BIRC6: variants seen among roughly 807,000 people sequenced by gnomAD.
BIRC6 encodes the protein baculoviral IAP repeat containing 6, also known as dual E2 ubiquitin-conjugating enzyme/E3 ubiquitin-protein ligase BIRC6.
BIRC6 carries 98 observed loss-of-function variants against 503.3 expected under a neutral mutation model. The ratio of observed to expected loss-of-function variants is 0.19; its 90% CI spans 0.17 to 0.23. The LOEUF is 0.23. Among genes scored for constraint, BIRC6 ranks in the 10% least tolerant of loss-of-function variants. The pLI, the probability that BIRC6 is intolerant of heterozygous loss-of-function variation, is 1.00. For missense variants in BIRC6, 5,360 were observed against 5,806.0 expected (o/e 0.92, Z 2.50); for synonymous variants, 2,240 against 2,078.7 (o/e 1.08, Z -2.11).
intron 3 of BIRC6, among the ~76,000 whole-genome samples, chr2:32,384,748 C>G (rs1049988598): frequency 2.0e-5 from 3 of 152,254 alleles, no homozygotes; most frequent in South Asian, 2.1e-4. Context: ...TGCATAGCCT[C>G]CATATCTGTT....
rs149851750 is a variant in BIRC6, at chr2:32,415,383, C to T, written c.2092C>T (p.Leu698Phe). ...GCAATTTGCAGATGCAGCAGCCAAC[C>T]TTACCTCTCCGGATTCTGAGAAGTG... ...IQQFADAAAN[L>F]TSPDSEKWNS... Residue 698 changes from leucine to phenylalanine, a missense_variant, in exon 10 of 74, where the codon CTT becomes TTT. By Grantham distance (22) the Leu-to-Phe change is conservative. Transcript: ENST00000421745. 1 of 1,614,050 alleles carries T rather than the reference C, an allele frequency of 6.2e-7. No homozygotes were observed. Among genetic ancestry groups the T allele is most frequent in the Non-Finnish European group, 8.5e-7 (1 of 1,179,900 alleles).
chr2:32,491,585 G>T (rs1301332521), intron 44 of BIRC6, 27 bp downstream of exon 44: 1 of 1,604,672 alleles, frequency 6.2e-7, no homozygotes, highest in Admixed American at 1.7e-5. Flanking sequence ...CCTGGCATAT[G>T]CCCAGACTAT....
intron 23 of BIRC6, among the ~76,000 whole-genome samples, chr2:32,458,365 A>C (rs2148726676): frequency 6.6e-6 from 1 of 152,246 alleles, no homozygotes; most frequent in East Asian, 1.9e-4. Context: ...ATAGCCAGTT[A>C]ACTCTTTAAA....
chr2:32,529,446 T>G, intron 59 of BIRC6: 1 of 450,876 alleles, frequency 2.2e-6, no homozygotes, highest in Non-Finnish European at 3.8e-6. Context: ...TTTTAACACT[T>G]TCACAGACAT....
chr2:32,414,320 T>G (rs922023676), intron 9 of BIRC6, among the ~76,000 whole-genome samples: 5 of 152,128 alleles, frequency 3.3e-5, no homozygotes, highest in African/African-American at 1.2e-4. Flanking sequence ...CCATCTGCAG[T>G]TAGTTGAATC....
At chr2:32,610,763 C>G (rs953222440) in intron 72 of BIRC6, among the ~76,000 whole-genome samples, 1 of 152,066 alleles carries the variant, frequency 6.6e-6, no homozygotes, top group African/African-American at 2.4e-5. Context: ...CTCTCCTCCC[C>G]TCCTCTCTTC....
At chr2:32,579,247 A>G (rs2060502828) in intron 66 of BIRC6, among the ~76,000 whole-genome samples, 1 of 151,794 alleles carries the variant, frequency 6.6e-6, no homozygotes, top group African/African-American at 2.4e-5. Context: ...TGTAAAGAGG[A>G]TGTTAACTGT....
chr2:32,414,257 A>C (rs184477496), intron 9 of BIRC6, among the ~76,000 whole-genome samples: 1 of 152,344 alleles, frequency 6.6e-6, no homozygotes, highest in Non-Finnish European at 1.5e-5. Flanking sequence ...AGCCTAGGCA[A>C]CAAGAGCAAA....
intron 45 of BIRC6, among the ~76,000 whole-genome samples, chr2:32,494,590 C>CA (rs1373682567): frequency 1.3e-5 from 2 of 150,022 alleles, no homozygotes; most frequent in African/African-American, 2.4e-5. Flanking sequence ...CTGAGTATTT[C>CA]AAAAAAATCC....
chr2:32,451,579 C>T (rs897406637), intron 22 of BIRC6, among the ~76,000 whole-genome samples: 1 of 152,122 alleles, frequency 6.6e-6, no homozygotes, highest in African/African-American at 2.4e-5. Flanking sequence ...GAATACACAT[C>T]TTTTATTCTG....
chr2:32,575,894 T>C (rs1404698529), intron 66 of BIRC6, among the ~76,000 whole-genome samples: 1 of 152,238 alleles, frequency 6.6e-6, no homozygotes, highest in East Asian at 1.9e-4. Context: ...AGTATCTCCC[T>C]GTGTGATCTC....
rs190999620 is a variant in BIRC6, at chr2:32,501,560, T to C, written c.9032-153T>C. ...TTCAGCTTCTATATTTTAATTATTA[T>C]TTGTTTCACCATGTTGGCCAGGCTG... is the stretch of plus-strand genomic sequence containing the variant. On this transcript the variant is annotated intron_variant, in intron 46 of 73. Transcript: ENST00000421745. 4.8e-3 allele frequency among the ~76,000 whole-genome samples: 731 copies of C among 152,268 alleles called. 8 individuals are homozygous for C. Among genetic ancestry groups the C allele is most frequent in the African/African-American group, 0.017 (705 of 41,554 alleles).
intron 6 of BIRC6, among the ~76,000 whole-genome samples, chr2:32,398,791 A>T (rs1376403053): frequency 6.6e-6 from 1 of 152,110 alleles, no homozygotes; most frequent in African/African-American, 2.4e-5. Flanking sequence ...AGAGAGAGAG[A>T]CGGAAAGGGG....
At chr2:32,539,083 A>G (rs1222790287) in intron 61 of BIRC6, among the ~76,000 whole-genome samples, 2 of 152,226 alleles carry the variant, frequency 1.3e-5, no homozygotes, top group East Asian at 3.9e-4. Context: ...AATGTATCAC[A>G]AAGTTGAATT....
At chr2:32,380,636 G>A (rs2037491934) in intron 3 of BIRC6, among the ~76,000 whole-genome samples, 1 of 152,120 alleles carries the variant, frequency 6.6e-6, no homozygotes, top group African/African-American at 2.4e-5. Flanking sequence ...TGAGACATGA[G>A]AATCACTTGA....
Position 32,544,334 on chromosome 2 carries a change from G to A in BIRC6, c.12592+793G>A, listed in dbSNP as rs148718667. Among the ~76,000 whole-genome samples, 13 of 152,070 alleles carry A rather than the reference G, an allele frequency of 8.5e-5. No individual in the cohort carries two copies. In the East Asian group the frequency reaches 2.5e-3, roughly 29 times the overall value. On this transcript the variant is annotated intron_variant, in intron 62 of 73. Coordinates refer to ENST00000421745, the MANE Select transcript of BIRC6 (RefSeq NM_016252.4). ...AATTAGGAAAATGATGCCATAATAT[G>A]TATTAATGATAACATAGAATAATAA...
At chr2:32,526,412 A>G (rs1417372720) in intron 59 of BIRC6, 1 of 152,212 alleles carries the variant, frequency 6.6e-6, no homozygotes, top group African/African-American at 2.4e-5. Flanking sequence ...GGAAATTTAA[A>G]AAAGGCCCCA....
At chr2:32,508,593 A>G (rs993365685) in intron 51 of BIRC6, among the ~76,000 whole-genome samples, 1 of 152,082 alleles carries the variant, frequency 6.6e-6, no homozygotes, top group Non-Finnish European at 1.5e-5. Context: ...CCAGCCTATG[A>G]CATCTGAACC....
In BIRC6 at chr2:32,369,944, AAATATATATATATATAT is replaced by A. The variant is rs1320287821; in HGVS notation, c.326-7642_326-7626del. Among the ~76,000 whole-genome samples, 2 of 25,758 alleles carry A rather than the reference AAATATATATATATATAT, an allele frequency of 7.8e-5. 1 individual carries two copies. The highest frequency in any genetic ancestry group is 1.6e-3 in the East Asian group (2 of 1,246). The allele number at this position is 25,758 out of a possible 152,430, so 16.9% of individuals were successfully genotyped here. On this transcript the variant is annotated intron_variant, in intron 1 of 73. Coordinates refer to ENST00000421745, the MANE Select transcript of BIRC6 (RefSeq NM_016252.4). ...TGTCTCTTAAAAAAAAAAAAAAAAA[AAATATATATATATATAT>A]ATATATATATATATATATATATATG...
Sources: allele counts gnomAD v4.1 joint callset (sites outside exome capture counted in the v4.1 genomes callset), GRCh38; gene constraint gnomAD v4.1.1; transcripts MANE v1.5; gene names NCBI Gene and HGNC (gene_info 2026-07-23, HGNC 2026-07-21).